The following CLMP variants were observed in gnomAD, a reference collection of about 807,000 sequenced individuals.
CLMP encodes CXADR-like membrane protein.
Under a neutral mutation model 45.2 loss-of-function variants are expected in CLMP, and 27 were observed. The ratio of observed to expected loss-of-function variants is 0.60; its 90% CI spans 0.44 to 0.82. The LOEUF (loss-of-function observed/expected upper bound fraction) is 0.82. Among genes scored for constraint, CLMP ranks in the 40% least tolerant of loss-of-function variants. The pLI is 0.00. For synonymous variants in CLMP, 167 were observed against 171.4 expected, an observed-to-expected ratio of 0.97 and a Z score of 0.20; for missense variants, 403 against 448.4, an observed-to-expected ratio of 0.90 and a Z score of 0.91.
chr11:123,180,245 G>A (rs1315009739), intron 1 of CLMP, among the ~76,000 whole-genome samples: 1 of 152,242 alleles, frequency 6.6e-6, no homozygotes, highest in East Asian at 1.9e-4. Context: ...GAGACAGGCA[G>A]TAAACAAGTA....
At chr11:123,151,161 C>T (rs1170572435) in intron 1 of CLMP, among the ~76,000 whole-genome samples, 1 of 152,240 alleles carries the variant, frequency 6.6e-6, no homozygotes, top group Non-Finnish European at 1.5e-5. Context: ...GAAAGGACCC[C>T]TGGACCACTA....
At chr11:123,181,381 G>A (rs946858146) in intron 1 of CLMP, among the ~76,000 whole-genome samples, 3 of 152,176 alleles carry the variant, frequency 2.0e-5, no homozygotes, top group Non-Finnish European at 4.4e-5. Context: ...CTCCTGCCCT[G>A]GCTCACCCCA....
At chr11:123,177,302 G>A (rs976557130) in intron 1 of CLMP, among the ~76,000 whole-genome samples, 1 of 152,116 alleles carries the variant, frequency 6.6e-6, no homozygotes, top group Admixed American at 6.5e-5. Context: ...CAAAAATGAG[G>A]CAATAGGAAG....
rs1005130387 is a variant in CLMP, at chr11:123,149,778, TCTTTCTTTCTTC to T, written c.28+45123_28+45134del. On this transcript the variant is annotated intron_variant, in intron 1 of 6. Transcript: ENST00000448775. Reference sequence around the variant, plus strand: ...AGGTCCTCAAAAGGTTTTCTTTCTTTCTTTCTTTCTTCCTTTCTTTCTTTCTTTGTTTCTTTC... The same window carrying T: ...AGGTCCTCAAAAGGTTTTCTTTCTTTCTTTCTTTCTTTCTTTGTTTCTTTC... Among the ~76,000 whole-genome samples the T allele has an allele frequency of 1.2e-4, 17 of 141,256 alleles. No homozygotes were observed. The South Asian group carries it at 1.2e-3, about 10-fold the overall frequency. 92.7% of individuals were successfully genotyped at this position (141,256 alleles called of 152,430 possible). A position where few individuals can be genotyped will look rare whatever the true frequency, so the allele number is the denominator to read the frequency against.
intron 5 of CLMP, among the ~76,000 whole-genome samples, chr11:123,081,544 T>A (rs1315869046): frequency 6.6e-6 from 1 of 152,204 alleles, no homozygotes; most frequent in African/African-American, 2.4e-5. Flanking sequence ...TAGGCAGTTG[T>A]AAGTAAATGT....
chr11:123,180,596 G>A (rs1306584441), intron 1 of CLMP, among the ~76,000 whole-genome samples: 46 of 110,302 alleles, frequency 4.2e-4, no homozygotes, highest in Admixed American at 8.7e-4. Flanking sequence ...GAAATGCATA[G>A]GAGTAAAAAA....
chr11:123,090,782 G>A (rs772817403), intron 2 of CLMP, among the ~76,000 whole-genome samples: 13 of 152,116 alleles, frequency 8.5e-5, no homozygotes, highest in Non-Finnish European at 1.3e-4. Flanking sequence ...GCCCAATAAC[G>A]AGAAGCAGAC....
At chr11:123,109,167 A>G (rs1390782552) in intron 1 of CLMP, among the ~76,000 whole-genome samples, 1 of 152,066 alleles carries the variant, frequency 6.6e-6, no homozygotes, top group African/African-American at 2.4e-5. Context: ...GTTTATCCAC[A>G]TTAAAAAACT....
intron 2 of CLMP, among the ~76,000 whole-genome samples, chr11:123,097,043 A>G (rs1865999144): frequency 6.6e-6 from 1 of 151,752 alleles, no homozygotes; most frequent in South Asian, 2.1e-4. Context: ...GTACAGAGGG[A>G]GTCTCACTTT....
At chr11:123,110,125 A>G (rs921461418) in intron 1 of CLMP, among the ~76,000 whole-genome samples, 1 of 152,134 alleles carries the variant, frequency 6.6e-6, no homozygotes. Flanking sequence ...ATTTCCTTCC[A>G]TCCCTCCAAA....
chr11:123,106,439 G>T (rs1017985919), intron 1 of CLMP, among the ~76,000 whole-genome samples: 1 of 138,486 alleles, frequency 7.2e-6, no homozygotes, highest in Admixed American at 7.3e-5. Flanking sequence ...GCGCGCGCGC[G>T]CACGTGCCTG....
intron 1 of CLMP, among the ~76,000 whole-genome samples, chr11:123,186,266 C>T (rs1303907741): frequency 1.3e-5 from 2 of 152,160 alleles, no homozygotes; most frequent in African/African-American, 4.8e-5. Context: ...ATGCCTAGTC[C>T]ATAGTACTTG....
chr11:123,183,779 G>C (rs556000563), intron 1 of CLMP, among the ~76,000 whole-genome samples: 2 of 152,130 alleles, frequency 1.3e-5, no homozygotes, highest in Admixed American at 6.5e-5. Flanking sequence ...CTGCCCACCC[G>C]ATGTGCTGGG....
intron 1 of CLMP, among the ~76,000 whole-genome samples, chr11:123,142,294 C>T (rs1379652825): frequency 6.6e-6 from 1 of 151,632 alleles, no homozygotes; most frequent in East Asian, 1.9e-4. Context: ...CTGATCTAGC[C>T]AAAATTCCTT....
intron 5 of CLMP, among the ~76,000 whole-genome samples, chr11:123,078,385 G>C (rs932295681): frequency 6.6e-6 from 1 of 152,158 alleles, no homozygotes; most frequent in African/African-American, 2.4e-5. Flanking sequence ...TTAAAGTTTT[G>C]AGACAGGAAA....
chr11:123,080,361 T>C (rs1380927220), intron 5 of CLMP, among the ~76,000 whole-genome samples: 4 of 147,990 alleles, frequency 2.7e-5, no homozygotes, highest in African/African-American at 1.0e-4. Context: ...GGAGTTTCGC[T>C]CTTGTTGCCC....
intron 1 of CLMP, among the ~76,000 whole-genome samples, chr11:123,121,155 G>A (rs925897479): frequency 2.6e-5 from 4 of 151,354 alleles, no homozygotes; most frequent in African/African-American, 9.7e-5. Context: ...AAGCTGTTTG[G>A]ATATGCTGAG....
Position 123,166,680 on chromosome 11 carries a change from G to A in CLMP, c.28+28233C>T, listed in dbSNP as rs1407233954. 2.0e-5 allele frequency among the ~76,000 whole-genome samples: 3 copies of A among 152,224 alleles called. No homozygotes were observed. The East Asian group carries it at 5.8e-4, about 29-fold the overall frequency. On this transcript the variant is annotated intron_variant, in intron 1 of 6. Coordinates refer to ENST00000448775, the MANE Select transcript of CLMP (RefSeq NM_024769.5). ...AAGAGCTCCACCATCTCAGAAGTCT[G>A]CTGCCAATAGGAGGAAATAGTTCAG...
chr11:123,176,478 G>A (rs1196146465), intron 1 of CLMP, among the ~76,000 whole-genome samples: 25 of 152,220 alleles, frequency 1.6e-4, no homozygotes, highest in African/African-American at 6.0e-4. Flanking sequence ...GTAGGCTGGT[G>A]GCCCGCAGGC....
Sources: gnomAD v4.1 joint callset for allele counts (sites outside exome capture counted in the v4.1 genomes callset) on GRCh38, gnomAD v4.1.1 for gene constraint, MANE v1.5 for transcripts, NCBI Gene and HGNC (gene_info 2026-07-23, HGNC 2026-07-21) for gene names.